Variants in MZF1 observed in about 807,000 individuals in gnomAD.
MZF1 encodes zinc finger and SCAN domain-containing protein 6.
MZF1 carries 24 observed loss-of-function variants against 28.6 expected under a neutral mutation model. The observed-to-expected ratio is 0.84, with a 90% CI of 0.61 to 1.18. MZF1 has a LOEUF of 1.18. Among genes scored for constraint, MZF1 ranks in the 50% most tolerant of loss-of-function variants. MZF1 has a pLI of 0.00. For synonymous variants in MZF1, 516 were observed against 432.5 expected, an observed-to-expected ratio of 1.19 and a Z score of -2.40; for missense variants, 1,166 against 1,026.4, an observed-to-expected ratio of 1.14 and a Z score of -1.86.
rs1419846667 is a variant in MZF1 at position 58,570,430 on chromosome 19, G to C, written c.494C>G (p.Pro165Arg). 2.5e-6 allele frequency: 4 copies of C among 1,613,942 alleles called. No individual in the cohort carries two copies. In the African/African-American group the frequency reaches 4.0e-5, roughly 16 times the overall value. Residue 165 changes from proline to arginine, a missense_variant, in exon 3 of 6, where the codon CCT becomes CGT. Coordinates refer to ENST00000215057, the MANE Select transcript of MZF1 (RefSeq NM_198055.2). ...AGTCCTAGGAGGTGTCTTGGGCCCA[G>C]GCTCTGGAGTTGGAGGCTCAGTTTC... ...LPETEPPTPE[P>R]GPKTPPRTMQ...
intron 1 of MZF1, 153 bp downstream of exon 1, chr19:58,572,902 A>G (rs2122745126): frequency 5.5e-5 from 16 of 288,598 alleles, no homozygotes; most frequent in South Asian, 4.2e-4. Flanking sequence ...GTGATTGACA[A>G]GCCTCTCGCT....
chr19:58,568,764 T>G (rs1448493329), intron 5 of MZF1: 1 of 154,098 alleles, frequency 6.5e-6, no homozygotes, highest in Non-Finnish European at 1.4e-5. Context: ...AGGAGGAGCC[T>G]GGATGATGCC....
At chr19:58,571,478 C>CA in intron 1 of MZF1, 49 bp from the exon 2 acceptor site, 11 of 1,463,776 alleles carry the variant, frequency 7.5e-6, no homozygotes, top group Non-Finnish European at 1.0e-5. Context: ...ACAGTGAATG[C>CA]TTCACTGCCT....
At chr19:58,571,464 G>T in intron 1 of MZF1, 35 bp from the exon 2 acceptor site, 1 of 1,560,870 alleles carries the variant, frequency 6.4e-7, no homozygotes, top group Non-Finnish European at 8.7e-7. Context: ...GTTGCAAAAG[G>T]AGTACAGTGA....
chr19:58,566,371 C>T (rs946603968), intron 5 of MZF1, among the ~76,000 whole-genome samples: 15 of 151,776 alleles, frequency 9.9e-5, no homozygotes, highest in African/African-American at 2.4e-4. Context: ...TGGCTTGAAC[C>T]GGGAGGTGGA....
intron 5 of MZF1, among the ~76,000 whole-genome samples, chr19:58,565,197 C>G (rs532634145): frequency 1.4e-3 from 210 of 151,600 alleles, no homozygotes; most frequent in Non-Finnish European, 2.2e-3. Context: ...TGGGTTCAAG[C>G]GGTTCTTCTG....
Position 58,563,302 on chromosome 19 carries a change from AC to A in MZF1, c.974del (p.Gly325ValfsTer6). The A allele has an allele frequency of 1.2e-6, 2 of 1,607,998 alleles. No individual in the cohort carries two copies. Among genetic ancestry groups the A allele is most frequent in the Non-Finnish European group, 1.7e-6 (2 of 1,177,742 alleles). On this transcript the variant is annotated frameshift_variant, in exon 6 of 6. Transcript: ENST00000215057. LOFTEE classifies it low-confidence loss of function (END_TRUNC). ...QDPTDEDPCR[G>X]VGPALITTRW... ...GGGTGGTGATCAGAGCAGGGCCCAC[AC>A]CCCGGCAGGGATCCTCGTCCGTGGG...
At chr19:58,569,857 C>T (rs1047677039) in intron 3 of MZF1, 46 of 448,066 alleles carry the variant, frequency 1.0e-4, no homozygotes, top group African/African-American at 6.6e-4. Flanking sequence ...AGGTGGTCAG[C>T]GGGGGTCAGA....
At chr19:58,564,903 T>G (rs376023922) in intron 5 of MZF1, among the ~76,000 whole-genome samples, 653 of 33,082 alleles carry the variant, frequency 0.02, no homozygotes, top group South Asian at 0.044. Context: ...CATGTGTGTG[T>G]TTTTTTTTTT....
Position 58,563,237 on chromosome 19 carries a change from CT to C in MZF1, c.1039del (p.Ser347AlafsTer26). The C allele has an allele frequency of 1.2e-6, 2 of 1,609,626 alleles. No homozygotes were observed. Among genetic ancestry groups the C allele is most frequent in the East Asian group, 4.5e-5 (2 of 44,774 alleles). ...GCCCCTAACCACCCCGCCCCCAGTG[CT>C]GGGGCGGCCCCGGCTCCGGCCCCTG... ...SPRGRSRGRP[S>X]TGGGVVRGGR... On this transcript the variant is annotated frameshift_variant, in exon 6 of 6. Coordinates refer to ENST00000215057, the MANE Select transcript of MZF1 (RefSeq NM_198055.2). LOFTEE classifies it low-confidence loss of function (END_TRUNC).
chr19:58,569,442 A>G, intron 4 of MZF1, 45 bp from the exon 5 acceptor site: 3 of 1,613,962 alleles, frequency 1.9e-6, no homozygotes, highest in Non-Finnish European at 2.5e-6. Flanking sequence ...GGCTGGGCTC[A>G]GGGAGGGACC....
intron 5 of MZF1, among the ~76,000 whole-genome samples, chr19:58,564,944 T>C (rs1306581924): frequency 1.7e-5 from 2 of 116,236 alleles, no homozygotes; most frequent in Non-Finnish European, 3.4e-5. Context: ...TTTTTGAGAC[T>C]GAGTCTTGCT....
At chr19:58,569,047 G>A (rs183359037) in intron 5 of MZF1, 1 of 477,962 alleles carries the variant, frequency 2.1e-6, no homozygotes, top group East Asian at 3.7e-5. Context: ...CTAGGGTGGG[G>A]AGTTTCTAGA....
In MZF1 at chr19:58,562,663, C is replaced by A. The variant is rs772207279; in HGVS notation, c.1614G>T (p.Glu538Asp). The change falls in exon 6 of 6, where the codon GAG becomes GAT. Residue 538 changes from glutamate (E) to aspartate (D), a missense_variant. Glu to Asp is a conservative substitution (Grantham distance 45). Transcript: ENST00000215057. ...LLQHRRVHSG[E>D]RPFACAECGQ... ...CGCACTCGGCACAGGCGAAGGGCCG[C>A]TCGCCACTGTGCACGCGCCGGTGCT... 2.6e-6 allele frequency: 4 copies of A among 1,539,926 alleles called. No individual in the cohort carries two copies. The highest frequency in any genetic ancestry group is 3.5e-6 in the Non-Finnish European group (4 of 1,149,760).
chr19:58,561,975 G>A lies in MZF1; in HGVS notation c.*97C>T. On this transcript the variant is annotated 3_prime_UTR_variant, in exon 6 of 6. Transcript: ENST00000215057. ...TGGACACCTACAGTAGCCAAGCCCT[G>A]GGCGGACCTGCTTATACTTATGTAA... The A allele has an allele frequency of 1.5e-6, 2 of 1,293,140 alleles. No homozygotes were observed. The highest frequency in any genetic ancestry group is 2.1e-6 in the Non-Finnish European group (2 of 948,418). 80.1% of individuals were successfully genotyped at this position (1,293,140 alleles called of 1,614,324 possible).
At position 58,562,081 on chromosome 19, in the gene MZF1, G is replaced by A; in HGVS notation, c.2196C>T (p.Ser732=). The change falls in exon 6 of 6, where the codon AGC becomes AGT. Residue 732 remains serine (S), a synonymous_variant. Coordinates refer to ENST00000215057, the MANE Select transcript of MZF1 (RefSeq NM_198055.2). ...TGCGTCCCGGCTGGAGCTACTCGGC[G>A]CTGTGGACGCGCTGGTGCTGAATGA... ...TKLIQHQRVH[S]AE 6.4e-7 allele frequency: 1 copy of A among 1,561,008 alleles called. No homozygotes were observed. Among genetic ancestry groups the A allele is most frequent in the Non-Finnish European group, 8.7e-7 (1 of 1,154,536 alleles).
rs1055653352 is a variant in MZF1, at chr19:58,563,063, G to A, written c.1214C>T (p.Thr405Met). 1.7e-5 allele frequency: 27 copies of A among 1,602,938 alleles called. No individual in the cohort carries two copies. Among genetic ancestry groups the A allele is most frequent in the Non-Finnish European group, 2.0e-5 (23 of 1,179,420 alleles). ...CACGAACGGCCGCTCCTCGGTGTGC[G>A]TAAGCTGGTGGCGCAGCAGGTGCGA... ...RSSHLLRHQL[T>M]HTEERPFVCG... The change falls in exon 6 of 6, where the codon ACG (threonine) becomes ATG (methionine). Residue 405 changes from threonine (T) to methionine (M), a missense_variant. Physicochemically the swap from Thr to Met is moderately conservative, Grantham distance 81 (BLOSUM62 -1). Transcript: ENST00000215057.
At position 58,563,141 on chromosome 19, in the gene MZF1, G is replaced by T. The variant is rs759600256; in HGVS notation, c.1136C>A (p.Thr379Lys). ...GCTGCACACGAATGGTCGCTCACCC[G>T]TGTGGATCTTCTGGTGCCTCAGCAG... ...SNLLRHQKIH[T>K]GERPFVCSEC... The change falls in exon 6 of 6, where the codon ACG becomes AAG. Residue 379 changes from threonine (T) to lysine (K), a missense_variant. Transcript: ENST00000215057. 4.4e-6 allele frequency: 7 copies of T among 1,608,888 alleles called. No individual in the cohort carries two copies. In the African/African-American group the frequency reaches 5.3e-5, roughly 12 times the overall value.
chr19:58,564,914 T>G (rs143330814), intron 5 of MZF1, among the ~76,000 whole-genome samples: 1,799 of 70,104 alleles, frequency 0.026, 3 homozygotes, highest in South Asian at 0.041. Flanking sequence ...TTTTTTTTTT[T>G]TTTTTTTTTT....
Sources: allele counts gnomAD v4.1 joint callset (sites outside exome capture counted in the v4.1 genomes callset), GRCh38; gene constraint gnomAD v4.1.1; transcripts MANE v1.5; gene names NCBI Gene and HGNC (gene_info 2026-07-23, HGNC 2026-07-21).